RIC8B: variants seen among roughly 807,000 people sequenced by gnomAD.
RIC8B encodes the protein RIC8 guanine nucleotide exchange factor B.
Under a neutral mutation model 57.5 loss-of-function variants are expected in RIC8B, and 16 were observed. The observed-to-expected ratio is 0.28, with a 90% CI of 0.19 to 0.42. The LOEUF (loss-of-function observed/expected upper bound fraction) is 0.42, where lower values mean the gene tolerates loss of function less well. RIC8B is among the 10% of genes least tolerant of loss of function. The pLI is 1.00. For synonymous variants in RIC8B, 216 were observed against 250.8 expected (o/e 0.86, Z 1.31); for missense variants, 481 against 677.0 (o/e 0.71, Z 3.21).
At chr12:106,793,129 C>T (rs1179873754) in intron 2 of RIC8B, among the ~76,000 whole-genome samples, 10 of 152,094 alleles carry the variant, frequency 6.6e-5, no homozygotes, top group Admixed American at 3.9e-4. Context: ...CTGAGAATAC[C>T]GGGGCCACAG....
chr12:106,859,785 C>T (rs944911419), intron 7 of RIC8B, among the ~76,000 whole-genome samples: 2 of 152,080 alleles, frequency 1.3e-5, no homozygotes, highest in Non-Finnish European at 1.5e-5. Flanking sequence ...ATGCTATTTG[C>T]TAATATTCTT....
intron 9 of RIC8B, among the ~76,000 whole-genome samples, chr12:106,873,775 AG>A (rs1234068218): frequency 1.3e-5 from 2 of 152,238 alleles, no homozygotes; most frequent in East Asian, 3.8e-4. Context: ...ATGCAGGAAA[AG>A]GAGTAGTTCA....
At chr12:106,873,508 T>C (rs1950536525) in intron 9 of RIC8B, among the ~76,000 whole-genome samples, 1 of 152,190 alleles carries the variant, frequency 6.6e-6, no homozygotes, top group Non-Finnish European at 1.5e-5. Context: ...TCTTCTCTCT[T>C]TCCACTTTTT....
chr12:106,881,124 A>G (rs530728308), intron 9 of RIC8B, among the ~76,000 whole-genome samples: 3 of 152,286 alleles, frequency 2.0e-5, no homozygotes, highest in African/African-American at 7.2e-5. Flanking sequence ...TGAGTAAAGC[A>G]TAGACATTCT....
Position 106,804,589 on chromosome 12 carries a change from G to A in RIC8B, c.133-10107G>A, listed in dbSNP as rs76543849. On this transcript the variant is annotated intron_variant, in intron 2 of 9. Transcript: ENST00000392837. ...GTGGCAGCTGGGAATCAAATCCAGAGCTTTAATAACCTATTAAATGTTTGG... is the reference window on the plus strand; with the variant it reads ...GTGGCAGCTGGGAATCAAATCCAGAACTTTAATAACCTATTAAATGTTTGG... Among the ~76,000 whole-genome samples the A allele has an allele frequency of 4.8e-3, 734 of 152,288 alleles. 8 individuals are homozygous for A. Among genetic ancestry groups the A allele is most frequent in the Middle Eastern group, 0.017 (5 of 294 alleles).
chr12:106,861,655 CTTCT>C (rs1949939982), intron 8 of RIC8B, among the ~76,000 whole-genome samples: 1 of 152,084 alleles, frequency 6.6e-6, no homozygotes, highest in Non-Finnish European at 1.5e-5. Context: ...AGGAATCCTG[CTTCT>C]TTCTTTCCCG....
In RIC8B at chr12:106,880,240, G is replaced by A. The variant is rs139528964; in HGVS notation, c.1572-5664G>A. ...GAAAGGGCTTGTGGTCTTGGTGTATGTCTGTGACAATTTGGTAGGATGCTG... is the reference window on the plus strand; with the variant it reads ...GAAAGGGCTTGTGGTCTTGGTGTATATCTGTGACAATTTGGTAGGATGCTG... On this transcript the variant is annotated intron_variant, in intron 9 of 9. Transcript: ENST00000392837. 9.0e-3 allele frequency among the ~76,000 whole-genome samples: 1,363 copies of A among 152,234 alleles called. 13 individuals carry two copies. Among genetic ancestry groups the A allele is most frequent in the Middle Eastern group, 0.017 (5 of 294 alleles).
intron 7 of RIC8B, among the ~76,000 whole-genome samples, chr12:106,852,478 T>G (rs1949516400): frequency 1.3e-5 from 2 of 152,240 alleles, no homozygotes; most frequent in South Asian, 4.1e-4. Context: ...TCCAACCACT[T>G]AAGTTCACAT....
chr12:106,870,792 C>T, intron 8 of RIC8B, 31 bp from the exon 9 acceptor site: 1 of 1,450,414 alleles, frequency 6.9e-7, no homozygotes, highest in Non-Finnish European at 9.1e-7. Flanking sequence ...AATTTTAAAA[C>T]ATACAGCATA....
At chr12:106,881,048 CACAA>C (rs922530343) in intron 9 of RIC8B, among the ~76,000 whole-genome samples, 3 of 152,188 alleles carry the variant, frequency 2.0e-5, no homozygotes, top group African/African-American at 7.2e-5. Flanking sequence ...AAATTTAATT[CACAA>C]ACACTTATTG....
intron 2 of RIC8B, among the ~76,000 whole-genome samples, chr12:106,805,145 T>C (rs2044949245): frequency 1.3e-5 from 2 of 152,192 alleles, no homozygotes; most frequent in African/African-American, 4.8e-5. Context: ...ATGGGACAGT[T>C]AAAGAGAAAT....
Position 106,774,759 on chromosome 12 carries a change from G to A in RIC8B, c.14G>A (p.Arg5His), listed in dbSNP as rs376722792. 1.1e-5 allele frequency: 17 copies of A among 1,550,830 alleles called. No homozygotes were observed. In the African/African-American group the frequency reaches 2.2e-4, roughly 20 times the overall value. Residue 5 changes from arginine (R) to histidine (H), a missense_variant, in exon 1 of 10, where the codon CGC becomes CAC. This residue lies in a region of RIC8B where 421 missense variants were observed against 560.9 expected (regional missense o/e 0.75). Coordinates refer to ENST00000392837, the MANE Select transcript of RIC8B (RefSeq NM_001330145.2). ...GCACCTGCGGCCATGGATGAGGAGC[G>A]CGCCCTCTACATCGTCCGGGCCGGC... MDEE[R>H]ALYIVRAGEA...
chr12:106,849,551 T>G (rs1454784784), intron 6 of RIC8B, among the ~76,000 whole-genome samples: 1 of 151,834 alleles, frequency 6.6e-6, no homozygotes, highest in Non-Finnish European at 1.5e-5. Context: ...GAATCAGTTA[T>G]GGGTCCCACC....
chr12:106,861,698 T>C (rs1593339669), intron 8 of RIC8B, among the ~76,000 whole-genome samples: 2 of 152,142 alleles, frequency 1.3e-5, no homozygotes, highest in African/African-American at 4.8e-5. Context: ...TCTAAATTAG[T>C]CTTACTAGCT....
intron 9 of RIC8B, among the ~76,000 whole-genome samples, chr12:106,874,113 T>A (rs1181966068): frequency 6.6e-6 from 1 of 152,192 alleles, no homozygotes; most frequent in African/African-American, 2.4e-5. Context: ...TTCACATACA[T>A]CCTCTTTCTA....
intron 6 of RIC8B, 43 bp from the exon 7 acceptor site, chr12:106,851,407 T>C: frequency 6.6e-7 from 1 of 1,509,210 alleles, no homozygotes; most frequent in Non-Finnish European, 9.0e-7. Context: ...TCACTCACTC[T>C]AGTAGCCTCG....
In RIC8B at chr12:106,870,865, C is replaced by A; in HGVS notation, c.1494C>A (p.Asn498Lys). The A allele has an allele frequency of 6.5e-7, 1 of 1,544,194 alleles. No homozygotes were observed. The highest frequency in any genetic ancestry group is 8.8e-7 in the Non-Finnish European group (1 of 1,142,208). Reference sequence around the variant, plus strand: ...GTCATTTAGAGGAACCAATGCCAAACCCCATAGATGAAATGACAGAAGAAC... The same window carrying A: ...GTCATTTAGAGGAACCAATGCCAAAACCCATAGATGAAATGACAGAAGAAC... ...ITGHLEEPMP[N>K]PIDEMTEEQK... The change falls in exon 9 of 10, where the codon AAC becomes AAA. Residue 498 changes from asparagine (N) to lysine (K), a missense_variant. Around this residue, in one of 3 missense-constraint regions of RIC8B, gnomAD observed 43 missense variants for 99.8 expected, o/e 0.43. Coordinates refer to ENST00000392837, the MANE Select transcript of RIC8B (RefSeq NM_001330145.2).
At chr12:106,807,717 G>A (rs1029333767) in intron 2 of RIC8B, among the ~76,000 whole-genome samples, 5 of 152,028 alleles carry the variant, frequency 3.3e-5, no homozygotes, top group African/African-American at 1.2e-4. Context: ...CCATCACAGT[G>A]TCTAACAATT....
intron 7 of RIC8B, among the ~76,000 whole-genome samples, chr12:106,852,931 T>A (rs1410764309): frequency 6.6e-6 from 1 of 152,254 alleles, no homozygotes; most frequent in Non-Finnish European, 1.5e-5. Context: ...GGAAATGATC[T>A]GTTTTTTAAA....
Sources: allele counts gnomAD v4.1 joint callset (sites outside exome capture counted in the v4.1 genomes callset), GRCh38; gene constraint gnomAD v4.1.1; regional missense constraint gnomAD v4.1.1; transcripts MANE v1.5; gene names NCBI Gene and HGNC (gene_info 2026-07-23, HGNC 2026-07-21).